The following SOX5 variants were observed in gnomAD, a reference collection of about 807,000 sequenced individuals.
The protein encoded by SOX5 is SRY-box transcription factor 5.
A neutral mutation model predicts 92.0 loss-of-function variants in SOX5; 9 were observed. That is an observed-to-expected ratio of 0.10 (90% CI 0.06 to 0.17). The LOEUF is 0.17. Among genes scored for constraint, SOX5 ranks in the 10% least tolerant of loss-of-function variants. The probability of loss-of-function intolerance (pLI) is 1.00; values close to 1 mark genes in which losing one functional copy is unlikely to be tolerated. For missense variants in SOX5, 642 were observed against 944.5 expected (o/e 0.68, Z 4.20); for synonymous variants, 344 against 336.3 (o/e 1.02, Z -0.25).
chr12:24,002,120 A>G (rs1221305099), intron 4 of SOX5, among the ~76,000 whole-genome samples: 1 of 152,152 alleles, frequency 6.6e-6, no homozygotes, highest in Non-Finnish European at 1.5e-5. Context: ...TCTCAAATCA[A>G]TGACTTCAGT....
At chr12:23,735,970 A>T (rs2169977) in intron 5 of SOX5, among the ~76,000 whole-genome samples, 80,841 of 151,560 alleles carry the variant, frequency 0.53, 22,935 homozygotes, top group East Asian at 0.65. Context: ...CACTGTTCTC[A>T]GGAAGTCCGT....
At chr12:24,523,844 A>T (rs1950465183) in intron 1 of SOX5, among the ~76,000 whole-genome samples, 1 of 152,262 alleles carries the variant, frequency 6.6e-6, no homozygotes. Context: ...CAATGATTTC[A>T]TGGATATGAC....
chr12:24,307,786 A>AGGAAGGAAGGAAGGAGGGAG (rs1948761778), intron 2 of SOX5, among the ~76,000 whole-genome samples: 1 of 148,338 alleles, frequency 6.7e-6, no homozygotes, highest in Non-Finnish European at 1.5e-5. Flanking sequence ...GAAGGAAGGA[A>AGGAAGGAAGGAAGGAGGGAG]GGAAGGAGGG....
chr12:24,522,557 AT>A (rs1267454341), intron 1 of SOX5, among the ~76,000 whole-genome samples: 1 of 152,198 alleles, frequency 6.6e-6, no homozygotes, highest in African/African-American at 2.4e-5. Flanking sequence ...TCAACAGCAT[AT>A]TAAAAGAAAC....
intron 4 of SOX5, among the ~76,000 whole-genome samples, chr12:24,081,361 A>G (rs915424667): frequency 2.0e-5 from 3 of 152,018 alleles, no homozygotes; most frequent in Non-Finnish European, 4.4e-5. Context: ...CAAACTAACC[A>G]CAGATGCAGT....
At chr12:23,664,721 C>A (rs10771015) in intron 7 of SOX5, among the ~76,000 whole-genome samples, 51,073 of 151,918 alleles carry the variant, frequency 0.34, 8,727 homozygotes, top group Admixed American at 0.36. Flanking sequence ...CACGTAGCTC[C>A]AAAAATGTCT....
In SOX5 at chr12:23,998,552, C is replaced by T. The variant is rs143994475; in HGVS notation, c.-1-102528G>A. On this transcript the variant is annotated intron_variant, in intron 4 of 4. Transcript: ENST00000446891. The stretch of plus-strand genomic sequence containing the variant: ...AGGAATGGTGGCTCATGCCTGTAAT[C>T]CCAGCACTTTGGGAGGCTGAGGCTG... Among the ~76,000 whole-genome samples the T allele has an allele frequency of 1.1e-3, 165 of 152,088 alleles. 1 individual carries two copies. Among genetic ancestry groups the T allele is most frequent in the Middle Eastern group, 3.4e-3 (1 of 294 alleles).
chr12:24,391,371 A>G (rs1261589628), intron 1 of SOX5, among the ~76,000 whole-genome samples: 2 of 152,204 alleles, frequency 1.3e-5, no homozygotes, highest in Non-Finnish European at 2.9e-5. Context: ...ACCAAATGAG[A>G]TAAAATGGGT....
chr12:24,009,863 TA>T, intron 4 of SOX5, among the ~76,000 whole-genome samples: 1 of 152,244 alleles, frequency 6.6e-6, no homozygotes, highest in Middle Eastern at 3.4e-3. Flanking sequence ...ATTGAAACTA[TA>T]AAAACCTACT....
intron 6 of SOX5, among the ~76,000 whole-genome samples, chr12:23,668,317 T>C (rs2084181648): frequency 1.3e-5 from 2 of 152,180 alleles, no homozygotes; most frequent in Non-Finnish European, 2.9e-5. Flanking sequence ...AATCTAACCA[T>C]ACTTCCTTTA....
At chr12:23,927,869 G>A (rs767404210) in intron 1 of SOX5, among the ~76,000 whole-genome samples, 3 of 152,000 alleles carry the variant, frequency 2.0e-5, no homozygotes, top group Non-Finnish European at 4.4e-5. Flanking sequence ...AAAACATAGA[G>A]ATCCTCACAA....
At chr12:24,515,550 G>C (rs936712478) in intron 1 of SOX5, among the ~76,000 whole-genome samples, 30 of 152,188 alleles carry the variant, frequency 2.0e-4, no homozygotes, top group Middle Eastern at 6.8e-3. Context: ...AACTAAATGG[G>C]ATTATCCCAG....
chr12:23,675,200 T>C (rs924380547), intron 6 of SOX5, among the ~76,000 whole-genome samples: 29 of 152,338 alleles, frequency 1.9e-4, no homozygotes, highest in Middle Eastern at 3.4e-3. Flanking sequence ...ATCACTACTA[T>C]GTATTCTGTG....
chr12:24,220,593 T>C (rs1960171021), intron 3 of SOX5, among the ~76,000 whole-genome samples: 7 of 152,072 alleles, frequency 4.6e-5, no homozygotes. Flanking sequence ...GGCAAAAAAA[T>C]GTTTTCCAAA....
intron 8 of SOX5, among the ~76,000 whole-genome samples, chr12:23,612,798 GA>G (rs1176139736): frequency 1.3e-5 from 2 of 152,072 alleles, no homozygotes; most frequent in African/African-American, 4.8e-5. Flanking sequence ...TTAAGAGGAG[GA>G]ACAGGGAATA....
chr12:23,759,030 G>GACACACACACACACACACACACACACAC (rs61575999), intron 3 of SOX5, among the ~76,000 whole-genome samples: 3 of 146,234 alleles, frequency 2.1e-5, no homozygotes, highest in African/African-American at 7.8e-5. Context: ...CACACACACA[G>GACACACACACACACACACACACACACAC]ACACACACAC....
At chr12:23,633,843 A>G (rs1393570979) in intron 8 of SOX5, among the ~76,000 whole-genome samples, 1 of 152,164 alleles carries the variant, frequency 6.6e-6, no homozygotes, top group African/African-American at 2.4e-5. Flanking sequence ...ATTCTCAAGT[A>G]TTGTAACATT....
intron 3 of SOX5, among the ~76,000 whole-genome samples, chr12:24,220,649 C>A (rs1480055119): frequency 6.6e-6 from 1 of 152,178 alleles, no homozygotes; most frequent in Non-Finnish European, 1.5e-5. Flanking sequence ...TCTTCCACCA[C>A]AGCACACAGA....
chr12:24,460,616 G>A (rs1943518328), intron 1 of SOX5: 1 of 152,114 alleles, frequency 6.6e-6, no homozygotes, highest in African/African-American at 2.4e-5. Flanking sequence ...AATCTCCCAG[G>A]TCCCTGTAAA....
Sources: gnomAD v4.1 joint callset for allele counts (sites outside exome capture counted in the v4.1 genomes callset) on GRCh38, gnomAD v4.1.1 for gene constraint, MANE v1.5 for transcripts, NCBI Gene and HGNC (gene_info 2026-07-23, HGNC 2026-07-21) for gene names.